The following HIPK2 variants were observed in gnomAD, a reference collection of about 807,000 sequenced individuals.
The protein encoded by HIPK2 is homeodomain-interacting protein kinase 2.
A neutral mutation model predicts 113.7 loss-of-function variants in HIPK2; 27 were observed. The ratio of observed to expected loss-of-function variants is 0.24; its 90% CI spans 0.17 to 0.33. HIPK2 has a LOEUF of 0.33. Among genes scored for constraint, HIPK2 ranks in the 10% least tolerant of loss-of-function variants. HIPK2 has a pLI of 1.00. For synonymous variants in HIPK2, 631 were observed against 642.2 expected (o/e 0.98, Z 0.26); for missense variants, 1,257 against 1,588.0 (o/e 0.79, Z 3.54).
Position 139,716,642 on chromosome 7 carries a change from G to A in HIPK2, c.393C>T (p.Leu131=). Residue 131 remains leucine, a synonymous_variant, in exon 2 of 15, where the codon CTC becomes CTT. Coordinates refer to ENST00000406875, the MANE Select transcript of HIPK2 (RefSeq NM_022740.5). The surrounding 1 kb of genome is among the most constrained non-coding windows in gnomAD (Gnocchi z 9.3). Reference sequence around the variant, plus strand: ...TCTCGATCTCCTCGCTCTTACGCTTGAGTCCACATTTTTGGTAGGTATCAA... The same window carrying A: ...TCTCGATCTCCTCGCTCTTACGCTTAAGTCCACATTTTTGGTAGGTATCAA... ...SLLDTYQKCG[L]KRKSEEIENT... is the part of the protein sequence containing the mutation. 6.2e-7 allele frequency: 1 copy of A among 1,613,970 alleles called. No individual in the cohort carries two copies. The highest frequency in any genetic ancestry group is 8.5e-7 in the Non-Finnish European group (1 of 1,179,900).
intron 6 of HIPK2, among the ~76,000 whole-genome samples, chr7:139,621,280 G>T (rs1800225132): frequency 6.6e-6 from 1 of 152,190 alleles, no homozygotes; most frequent in African/African-American, 2.4e-5. Context: ...GGGAGGTAGG[G>T]AGTTTGCCAA....
At chr7:139,632,332 C>T (rs1800647704) in intron 2 of HIPK2, among the ~76,000 whole-genome samples, 1 of 152,194 alleles carries the variant, frequency 6.6e-6, no homozygotes, top group African/African-American at 2.4e-5. Flanking sequence ...ATTCTATCTT[C>T]AGGAAGATGT....
intron 2 of HIPK2, among the ~76,000 whole-genome samples, chr7:139,651,261 C>G (rs1172644545): frequency 6.6e-6 from 1 of 152,136 alleles, no homozygotes; most frequent in Admixed American, 6.5e-5. Flanking sequence ...TCCAAGCACC[C>G]AAATGCAGGC....
At chr7:139,625,465 T>G (rs1800394263) in intron 6 of HIPK2, among the ~76,000 whole-genome samples, 1 of 152,250 alleles carries the variant, frequency 6.6e-6, no homozygotes, top group Non-Finnish European at 1.5e-5. Flanking sequence ...TGAGTTCCCA[T>G]TGCTTTTTGG....
intron 1 of HIPK2, among the ~76,000 whole-genome samples, chr7:139,768,438 G>C (rs1461815887): frequency 1.3e-5 from 2 of 152,134 alleles, no homozygotes; most frequent in Admixed American, 1.3e-4. Context: ...CTGTACCTTG[G>C]GAAATCAGTT....
Position 139,575,436 on chromosome 7 carries a change from A to G in HIPK2, c.2966-148T>C, listed in dbSNP as rs185339464. On this transcript the variant is annotated intron_variant, in intron 13 of 14. Coordinates refer to ENST00000406875, the MANE Select transcript of HIPK2 (RefSeq NM_022740.5). ...AATCAGCCTCATCTCCCCCGGACCC[A>G]CTAGGACTTTGCCTTGACTCTGGAT... is the stretch of plus-strand genomic sequence containing the variant. 664 of 909,242 alleles carry G rather than the reference A, an allele frequency of 7.3e-4. 4 individuals carry two copies. The African/African-American group carries it at 0.01, about 14-fold the overall frequency. The allele number at this position is 909,242 out of a possible 1,614,324, so 56.3% of individuals were successfully genotyped here.
intron 2 of HIPK2, among the ~76,000 whole-genome samples, chr7:139,649,076 A>G (rs1201560900): frequency 8.2e-6 from 1 of 121,846 alleles, no homozygotes; most frequent in Non-Finnish European, 2.0e-5. Flanking sequence ...AAAGAGAACA[A>G]TGCAGGCCAT....
chr7:139,707,403 G>A (rs953882118), intron 2 of HIPK2, among the ~76,000 whole-genome samples: 4 of 152,270 alleles, frequency 2.6e-5, no homozygotes, highest in Admixed American at 1.3e-4. Context: ...ATTGGTGAGC[G>A]AGAGAAGGGT....
At chr7:139,747,213 G>C (rs529524372) in intron 1 of HIPK2, among the ~76,000 whole-genome samples, 1 of 152,284 alleles carries the variant, frequency 6.6e-6, no homozygotes, top group South Asian at 2.1e-4. Flanking sequence ...CATCAATTCA[G>C]GGGCTGGAGG....
rs1430525356 is a variant in HIPK2, at chr7:139,613,059, T to C, written c.2112+143A>G. 5.1e-6 allele frequency: 5 copies of C among 973,466 alleles called. No individual in the cohort carries two copies. The highest frequency in any genetic ancestry group is 7.3e-6 in the Non-Finnish European group (5 of 684,730). The allele number at this position is 973,466 out of a possible 1,614,324, so 60.3% of individuals were successfully genotyped here. A position where few individuals can be genotyped will look rare whatever the true frequency, so the allele number is the denominator to read the frequency against. On this transcript the variant is annotated intron_variant, in intron 9 of 14. Transcript: ENST00000406875. This position sits in a 1 kb window ranked among gnomAD's most constrained non-coding sequence, Gnocchi z 4.2. ...AGGAAGGTAATTCACTTGGGGACCA[T>C]TTAGAATATTACAGATACATTCCAA...
chr7:139,667,923 T>C (rs2116607399), intron 2 of HIPK2, among the ~76,000 whole-genome samples: 1 of 148,212 alleles, frequency 6.7e-6, no homozygotes, highest in East Asian at 2.1e-4. Flanking sequence ...AGGTCAGGAG[T>C]TCGAGACCAG....
chr7:139,703,808 C>T (rs1695666788), intron 2 of HIPK2, among the ~76,000 whole-genome samples: 1 of 134,328 alleles, frequency 7.4e-6, no homozygotes, highest in Non-Finnish European at 1.6e-5. Flanking sequence ...CCCCACACCC[C>T]ACACACTACA....
intron 9 of HIPK2, among the ~76,000 whole-genome samples, chr7:139,610,673 TAAAC>T (rs1315127395): frequency 6.6e-6 from 1 of 152,228 alleles, no homozygotes; most frequent in African/African-American, 2.4e-5. Context: ...ATATCGATCT[TAAAC>T]AAACTGTTCC....
intron 1 of HIPK2, among the ~76,000 whole-genome samples, chr7:139,722,437 T>C (rs1166367832): frequency 6.6e-6 from 1 of 152,228 alleles, no homozygotes; most frequent in Admixed American, 6.5e-5. Flanking sequence ...TTTATTGAAA[T>C]TCTCATTTTG....
intron 1 of HIPK2, among the ~76,000 whole-genome samples, chr7:139,758,075 T>C (rs2117132405): frequency 6.6e-6 from 1 of 152,308 alleles, no homozygotes; most frequent in Admixed American, 6.5e-5. Flanking sequence ...TAATTCCTCC[T>C]AAGAAATTTA....
At chr7:139,740,123 C>T (rs963754765) in intron 1 of HIPK2, among the ~76,000 whole-genome samples, 1 of 152,154 alleles carries the variant, frequency 6.6e-6, no homozygotes, top group Non-Finnish European at 1.5e-5. Flanking sequence ...AAAGTGGCCT[C>T]CTGAAGTCCC....
rs17161012 is a variant in HIPK2 at position 139,580,619 on chromosome 7, G to A, written c.2965+3198C>T. 7.6e-3 allele frequency among the ~76,000 whole-genome samples: 1,156 copies of A among 152,300 alleles called. 17 individuals carry two copies. Among genetic ancestry groups the A allele is most frequent in the African/African-American group, 0.027 (1,102 of 41,546 alleles). On this transcript the variant is annotated intron_variant, in intron 13 of 14. Transcript: ENST00000406875. ...GCCACAGTGGCCCTGTCTACACTAG[G>A]TGAGTTGGCAGGGGTGCTTACAGCA...
chr7:139,753,763 A>ACCAGCGGCCCCCAG (rs1053954531), intron 1 of HIPK2, among the ~76,000 whole-genome samples: 3 of 152,240 alleles, frequency 2.0e-5, no homozygotes, highest in African/African-American at 7.2e-5. Context: ...GTGCATACAC[A>ACCAGCGGCCCCCAG]CCAGCGGCCC....
chr7:139,718,331 T>C (rs888947149), intron 1 of HIPK2, among the ~76,000 whole-genome samples: 5 of 152,210 alleles, frequency 3.3e-5, no homozygotes, highest in Admixed American at 3.3e-4. Flanking sequence ...TAACCTAGTG[T>C]TCCTGTCTCT....
Sources: gnomAD v4.1 joint callset for allele counts (sites outside exome capture counted in the v4.1 genomes callset) on GRCh38, gnomAD v4.1.1 for gene constraint, Gnocchi (gnomAD v3.1) non-coding constraint, MANE v1.5 for transcripts, NCBI Gene and HGNC (gene_info 2026-07-23, HGNC 2026-07-21) for gene names.